The following PDZRN4 variants were observed in gnomAD, a reference collection of about 807,000 sequenced individuals.
PDZRN4 encodes the protein PDZ domain-containing RING finger protein 4.
In PDZRN4, 70 loss-of-function variants were observed where a neutral mutation model predicts 99.0. The observed-to-expected ratio is 0.71, with a 90% CI of 0.58 to 0.86. The LOEUF is 0.86. PDZRN4 is among the 40% of genes least tolerant of loss of function. PDZRN4 has a pLI of 0.00. For missense variants in PDZRN4, 1,474 were observed against 1,331.2 expected, an observed-to-expected ratio of 1.11 and a Z score of -1.67; for synonymous variants, 551 against 501.6, an observed-to-expected ratio of 1.10 and a Z score of -1.32.
chr12:41,249,881 A>T (rs981932036), intron 3 of PDZRN4, among the ~76,000 whole-genome samples: 4 of 152,200 alleles, frequency 2.6e-5, no homozygotes, highest in Non-Finnish European at 5.9e-5. Flanking sequence ...CCTTTCCTTC[A>T]TTTATAGTGA....
At chr12:41,450,591 G>C (rs1952766314) in intron 3 of PDZRN4, among the ~76,000 whole-genome samples, 1 of 152,130 alleles carries the variant, frequency 6.6e-6, no homozygotes, top group Non-Finnish European at 1.5e-5. Context: ...ATGCAAAAGT[G>C]ATGTTTCTAC....
chr12:41,229,244 T>C (rs1401976186), intron 3 of PDZRN4, among the ~76,000 whole-genome samples: 5 of 151,638 alleles, frequency 3.3e-5, no homozygotes, highest in Non-Finnish European at 7.4e-5. Flanking sequence ...CCACGCAAAA[T>C]ATGAACCTGA....
In PDZRN4 at chr12:41,573,417, C is replaced by G. The variant is rs375671345; in HGVS notation, c.2638C>G (p.Gln880Glu). 2.5e-6 allele frequency: 4 copies of G among 1,613,516 alleles called. No homozygotes were observed. The highest frequency in any genetic ancestry group is 3.4e-6 in the Non-Finnish European group (4 of 1,180,008). ...LSLVSMCKES[Q>E]KCSEPKMEWK... ...CTTGGTGAGCATGTGCAAGGAGTCT[C>G]AGAAGTGTTCAGAGCCCAAGATGGA... Residue 880 changes from glutamine to glutamate, a missense_variant, in exon 10 of 10, where the codon CAG becomes GAG. Gln to Glu is a conservative substitution (Grantham distance 29, BLOSUM62 2). Coordinates refer to ENST00000402685, the MANE Select transcript of PDZRN4 (RefSeq NM_001164595.2).
chr12:41,307,807 G>T (rs1180779802), intron 3 of PDZRN4, among the ~76,000 whole-genome samples: 1 of 151,966 alleles, frequency 6.6e-6, no homozygotes, highest in Non-Finnish European at 1.5e-5. Context: ...CTGATACCTT[G>T]TGATGTGTCA....
intron 3 of PDZRN4, among the ~76,000 whole-genome samples, chr12:41,239,660 C>T (rs528851262): frequency 6.6e-6 from 1 of 152,250 alleles, no homozygotes; most frequent in African/African-American, 2.4e-5. Flanking sequence ...ACAAAAGACA[C>T]ATCAAATAAG....
At chr12:41,230,867 C>G (rs560386731) in intron 3 of PDZRN4, among the ~76,000 whole-genome samples, 2 of 152,146 alleles carry the variant, frequency 1.3e-5, no homozygotes, top group South Asian at 2.1e-4. Context: ...TAACACACAG[C>G]TAATCTCTTT....
intron 3 of PDZRN4, among the ~76,000 whole-genome samples, chr12:41,311,082 T>C (rs561602493): frequency 6.6e-6 from 1 of 152,294 alleles, no homozygotes; most frequent in Non-Finnish European, 1.5e-5. Context: ...TCATCAAAAA[T>C]AGATGAAAGC....
intron 3 of PDZRN4, among the ~76,000 whole-genome samples, chr12:41,487,530 C>G (rs945268328): frequency 6.6e-6 from 1 of 152,136 alleles, no homozygotes; most frequent in South Asian, 2.1e-4. Context: ...AGAACCTCAA[C>G]TATGTGTATT....
chr12:41,226,892 G>C (rs1950998696), intron 3 of PDZRN4, among the ~76,000 whole-genome samples: 1 of 152,126 alleles, frequency 6.6e-6, no homozygotes, highest in Non-Finnish European at 1.5e-5. Flanking sequence ...GATGCTTTTT[G>C]TGCCAGTCAA....
At chr12:41,394,017 C>T (rs896310286) in intron 3 of PDZRN4, among the ~76,000 whole-genome samples, 4 of 152,112 alleles carry the variant, frequency 2.6e-5, no homozygotes, top group African/African-American at 9.7e-5. Context: ...AGATTGAATG[C>T]CTTATAAATG....
At chr12:41,427,001 A>G (rs944212226) in intron 3 of PDZRN4, among the ~76,000 whole-genome samples, 10 of 152,192 alleles carry the variant, frequency 6.6e-5, no homozygotes, top group Admixed American at 1.3e-4. Flanking sequence ...GTTAAGTGCT[A>G]TGGATCTAGA....
intron 5 of PDZRN4, among the ~76,000 whole-genome samples, chr12:41,548,315 T>G (rs977251883): frequency 1.3e-5 from 2 of 152,208 alleles, no homozygotes; most frequent in East Asian, 3.8e-4. Flanking sequence ...GGATTAAAGT[T>G]TTAATATTTC....
At chr12:41,355,370 C>G (rs1236710409) in intron 3 of PDZRN4, among the ~76,000 whole-genome samples, 1 of 151,956 alleles carries the variant, frequency 6.6e-6, no homozygotes, top group Admixed American at 6.6e-5. Context: ...TAGCAGTTAT[C>G]TGTTTACCTT....
chr12:41,370,659 G>A lies in PDZRN4; in HGVS notation c.844-135797G>A, dbSNP rs546215305. On this transcript the variant is annotated intron_variant, in intron 3 of 9. Transcript: ENST00000402685. ...GTTATCATTCTCCTGCATTTTCCCC[G>A]TTTTCTTCTTCTGGAACTTCTTTTA... Among the ~76,000 whole-genome samples, 22 of 151,714 alleles carry A rather than the reference G, an allele frequency of 1.5e-4. No homozygotes were observed. The South Asian group carries it at 2.7e-3, about 19-fold the overall frequency.
At chr12:41,246,715 T>A (rs1951135968) in intron 3 of PDZRN4, among the ~76,000 whole-genome samples, 1 of 152,196 alleles carries the variant, frequency 6.6e-6, no homozygotes. Context: ...TCCCATTCAG[T>A]GGGAGTTGTA....
At chr12:41,311,950 C>A (rs1431117) in intron 3 of PDZRN4, among the ~76,000 whole-genome samples, 145,073 of 152,260 alleles carry the variant, frequency 0.95, 69,530 homozygotes, top group East Asian at 1. Context: ...TTTTCTTTTT[C>A]AAAACAACGT....
chr12:41,439,141 C>A (rs1952656011), intron 3 of PDZRN4, among the ~76,000 whole-genome samples: 1 of 152,140 alleles, frequency 6.6e-6, no homozygotes, highest in African/African-American at 2.4e-5. Context: ...AGCCAGTTTC[C>A]AAAATGATCT....
intron 3 of PDZRN4, among the ~76,000 whole-genome samples, chr12:41,377,508 C>CA (rs1196401447): frequency 1.3e-5 from 2 of 151,944 alleles, no homozygotes; most frequent in South Asian, 2.1e-4. Context: ...ATTAAAAATA[C>CA]AAAAAAATTA....
rs115408217 is a variant in PDZRN4, at chr12:41,278,055, A to G, written c.843+83867A>G. 1.2e-3 allele frequency among the ~76,000 whole-genome samples: 189 copies of G among 152,318 alleles called. 1 individual carries two copies. Among genetic ancestry groups the G allele is most frequent in the African/African-American group, 4.3e-3 (180 of 41,576 alleles). On this transcript the variant is annotated intron_variant, in intron 3 of 9. Transcript: ENST00000402685. ...GTAAAAGCTGTAGCTATAAGTCAAC[A>G]CAGACTTTTGGCACTCAATATGTTT...
Sources: gnomAD v4.1 joint callset for allele counts (sites outside exome capture counted in the v4.1 genomes callset) on GRCh38, gnomAD v4.1.1 for gene constraint, MANE v1.5 for transcripts, NCBI Gene and HGNC (gene_info 2026-07-23, HGNC 2026-07-21) for gene names.